WDR3: variants seen among roughly 807,000 people sequenced by gnomAD.
The protein encoded by WDR3 is WD repeat-containing protein 3.
Under a neutral mutation model 123.7 loss-of-function variants are expected in WDR3, and 81 were observed. That is an observed-to-expected ratio of 0.65 (90% CI 0.55 to 0.79). The LOEUF is 0.79. WDR3 is among the 30% of genes least tolerant of loss of function. The pLI, the probability that WDR3 is intolerant of heterozygous loss-of-function variation, is 0.00. For missense variants in WDR3, 1,027 were observed against 1,123.2 expected, an observed-to-expected ratio of 0.91 and a Z score of 1.22; for synonymous variants, 390 against 388.8, an observed-to-expected ratio of 1.00 and a Z score of -0.04.
rs1653172888 is a variant in WDR3, at chr1:117,962,080, T to C, written c.*2633T>C. The C allele has an allele frequency of 1.3e-5, 2 of 151,804 alleles. No individual in the cohort carries two copies. Among genetic ancestry groups the C allele is most frequent in the South Asian group, 4.2e-4 (2 of 4,806 alleles). 9.4% of individuals were successfully genotyped at this position (151,804 alleles called of 1,614,324 possible). A position where few individuals can be genotyped will look rare whatever the true frequency, so the allele number is the denominator to read the frequency against. On this transcript the variant is annotated 3_prime_UTR_variant, in exon 27 of 27. Coordinates refer to ENST00000349139, the MANE Select transcript of WDR3 (RefSeq NM_006784.3). ...ACATCATCAATAATTACTCTTATGT[T>C]AAAAGTTGCTGTTTTCCCGTAGCTT... is the stretch of plus-strand genomic sequence containing the variant.
chr1:117,939,553 A>G lies in WDR3; in HGVS notation c.656A>G (p.Asp219Gly). ...GASDSELRVW[D>G]IAYLQEIEDP... Reference sequence around the variant, plus strand: ...TCAGACAGTGAACTGAGGGTATGGGACATAGCTTATCTGCAAGAGGTAATT... The same window carrying G: ...TCAGACAGTGAACTGAGGGTATGGGGCATAGCTTATCTGCAAGAGGTAATT... Residue 219 changes from aspartate (D) to glycine (G), a missense_variant, in exon 6 of 27, where the codon GAC becomes GGC. Coordinates refer to ENST00000349139, the MANE Select transcript of WDR3 (RefSeq NM_006784.3). 1 of 1,613,764 alleles carries G rather than the reference A, an allele frequency of 6.2e-7. No individual in the cohort carries two copies.
In WDR3 at chr1:117,959,675, G is replaced by C. The variant is rs1652764565; in HGVS notation, c.*228G>C. 1 of 369,916 alleles carries C rather than the reference G, an allele frequency of 2.7e-6. No homozygotes were observed. Among genetic ancestry groups the C allele is most frequent in the South Asian group, 8.2e-5 (1 of 12,234 alleles). The allele number at this position is 369,916 out of a possible 1,614,324, so 22.9% of individuals were successfully genotyped here. On this transcript the variant is annotated 3_prime_UTR_variant, in exon 27 of 27. Transcript: ENST00000349139. ...GCATTATTAGTTTAAAAATCTTTCTGTGCTCTCAAAGCTTGAGCCTTGCAG... is the reference window on the plus strand; with the variant it reads ...GCATTATTAGTTTAAAAATCTTTCTCTGCTCTCAAAGCTTGAGCCTTGCAG...
At position 117,944,572 on chromosome 1, in the gene WDR3, A is replaced by C. The variant is rs533860594; in HGVS notation, c.1328+946A>C. ...GCATTTCAAACTTTTATGTGTCCCA[A>C]ACCAAACTTACGTTGTTCATGTCTC... is the stretch of plus-strand genomic sequence containing the variant. On this transcript the variant is annotated intron_variant, in intron 11 of 26. Transcript: ENST00000349139. 1.4e-4 allele frequency among the ~76,000 whole-genome samples: 22 copies of C among 152,318 alleles called. No homozygotes were observed. In the East Asian group the frequency reaches 3.7e-3, roughly 25 times the overall value.
chr1:117,946,801 T>C (rs1054690754), intron 12 of WDR3, among the ~76,000 whole-genome samples: 3 of 151,264 alleles, frequency 2.0e-5, no homozygotes, highest in African/African-American at 7.3e-5. Context: ...ATTAGGTGGG[T>C]GTGGTGGCGG....
chr1:117,949,938 G>T, intron 14 of WDR3, 57 bp from the exon 15 acceptor site: 1 of 1,611,996 alleles, frequency 6.2e-7, no homozygotes, highest in Non-Finnish European at 8.5e-7. Flanking sequence ...AAAGAGTTAG[G>T]ATTTGTCTGA....
chr1:117,942,388 C>A, intron 9 of WDR3, 49 bp from the exon 10 acceptor site: 1 of 1,538,518 alleles, frequency 6.5e-7, no homozygotes, highest in Non-Finnish European at 9.0e-7. Context: ...AAGAGCAAAG[C>A]TGCTTCTAGA....
chr1:117,951,936 T>C (rs925524726), intron 16 of WDR3, 40 bp from the exon 17 acceptor site: 18 of 1,561,738 alleles, frequency 1.2e-5, no homozygotes, highest in Non-Finnish European at 1.2e-5. Context: ...ATATACGGAA[T>C]TCAAAAATCA....
In WDR3 at chr1:117,959,362, T is replaced by C. The variant is rs1417698632; in HGVS notation, c.2747T>C (p.Met916Thr). ...GAATGCGAGGCAAAAAGTGAAGTTA[T>C]GTTTTTTGCTGATGCTACTAGCCAC... Reference protein sequence around the residue: ...KRECEAKSEVMFFADATSHLE... With the variant: ...KRECEAKSEVTFFADATSHLE... Residue 916 changes from methionine to threonine, a missense_variant, in exon 27 of 27, where the codon ATG becomes ACG. Met to Thr is a moderately conservative substitution (Grantham distance 81, BLOSUM62 -1). Coordinates refer to ENST00000349139, the MANE Select transcript of WDR3 (RefSeq NM_006784.3). 6.2e-7 allele frequency: 1 copy of C among 1,613,890 alleles called. No individual in the cohort carries two copies. The highest frequency in any genetic ancestry group is 1.3e-5 in the African/African-American group (1 of 74,914).
chr1:117,935,434 A>G (rs1024757346), intron 3 of WDR3, among the ~76,000 whole-genome samples: 1 of 152,076 alleles, frequency 6.6e-6, no homozygotes, highest in Admixed American at 6.5e-5. Flanking sequence ...TTTAAGAAGT[A>G]TCATATTGAT....
rs896699245 is a variant in WDR3, at chr1:117,961,841, G to C, written c.*2394G>C. On this transcript the variant is annotated 3_prime_UTR_variant, in exon 27 of 27. Coordinates refer to ENST00000349139, the MANE Select transcript of WDR3 (RefSeq NM_006784.3). Reference sequence around the variant, plus strand: ...TAGGCAGGCAGGATAATGCATTCTAGGTGCTTTCCAAGGAGTCAGTGTTGT... The same window carrying C: ...TAGGCAGGCAGGATAATGCATTCTACGTGCTTTCCAAGGAGTCAGTGTTGT... 7.9e-5 allele frequency: 12 copies of C among 152,496 alleles called. No individual in the cohort carries two copies. The highest frequency in any genetic ancestry group is 2.7e-4 in the African/African-American group (11 of 41,396). 9.4% of individuals were successfully genotyped at this position (152,496 alleles called of 1,614,324 possible).
At chr1:117,955,150 C>G (rs1160279619) in intron 23 of WDR3, 165 bp from the exon 24 acceptor site, 1 of 522,596 alleles carries the variant, frequency 1.9e-6, no homozygotes, top group Non-Finnish European at 3.3e-6. Context: ...GTTCAGTTGT[C>G]AACCCAGATC....
intron 20 of WDR3, 59 bp from the exon 21 acceptor site, chr1:117,953,417 A>T: frequency 6.6e-7 from 1 of 1,526,478 alleles, no homozygotes; most frequent in Non-Finnish European, 9.1e-7. Flanking sequence ...AGATTAATTT[A>T]TCAGCTCTTT....
rs1366216365 is a variant in WDR3, at chr1:117,946,115, C to T, written c.1358C>T (p.Thr453Ile). 6.2e-7 allele frequency: 1 copy of T among 1,612,906 alleles called. No individual in the cohort carries two copies. Among genetic ancestry groups the T allele is most frequent in the African/African-American group, 1.3e-5 (1 of 74,980 alleles). Residue 453 changes from threonine (T) to isoleucine (I), a missense_variant, in exon 12 of 27, where the codon ACC becomes ATC. Physicochemically the swap from Thr to Ile is moderately conservative, Grantham distance 89. Coordinates refer to ENST00000349139, the MANE Select transcript of WDR3 (RefSeq NM_006784.3). ...RSTLQCIRTM[T>I]CEYALCSFFV... ...ACACTGCAGTGTATTCGCACAATGACCTGTGAATATGCACTTTGCTCATTC... is the reference window on the plus strand; with the variant it reads ...ACACTGCAGTGTATTCGCACAATGATCTGTGAATATGCACTTTGCTCATTC...
At position 117,963,869 on chromosome 1, in the gene WDR3, A is replaced by C; in HGVS notation, c.*4422A>C. 6.2e-7 allele frequency: 1 copy of C among 1,613,980 alleles called. No individual in the cohort carries two copies. The highest frequency in any genetic ancestry group is 8.5e-7 in the Non-Finnish European group (1 of 1,179,874). ...GGAATAAATTGTAGAAGTTCTCTGG[A>C]CCATTGGATTTTCTTTTCCCTGGGG... On this transcript the variant is annotated 3_prime_UTR_variant, in exon 27 of 27. Coordinates refer to ENST00000349139, the MANE Select transcript of WDR3 (RefSeq NM_006784.3).
rs200638310 is a variant in WDR3 at position 117,936,731 on chromosome 1, G to T, written c.382-38G>T. 4 of 1,513,658 alleles carry T rather than the reference G, an allele frequency of 2.6e-6. No homozygotes were observed. In the East Asian group the frequency reaches 6.9e-5, roughly 26 times the overall value. 93.8% of individuals were successfully genotyped at this position (1,513,658 alleles called of 1,614,324 possible). ...GTCAAGTTGGGCCATATATGGTAAA[G>T]AAAATTATTTTTCATCTGTATTATT... On this transcript the variant is annotated intron_variant, in intron 3 of 26. Transcript: ENST00000349139.
chr1:117,946,841 T>C (rs960751085), intron 12 of WDR3, among the ~76,000 whole-genome samples: 7 of 147,784 alleles, frequency 4.7e-5, no homozygotes, highest in Non-Finnish European at 1.0e-4. Context: ...CTCGGGAGGC[T>C]GAGGCAGGAG....
Position 117,952,049 on chromosome 1 carries a change from A to G in WDR3, c.1877A>G (p.His626Arg). 1 of 1,613,438 alleles carries G rather than the reference A, an allele frequency of 6.2e-7. No individual in the cohort carries two copies. The highest frequency in any genetic ancestry group is 8.5e-7 in the Non-Finnish European group (1 of 1,179,456). Residue 626 changes from histidine to arginine, a missense_variant, in exon 17 of 27, where the codon CAC (histidine) becomes CGC (arginine). By Grantham distance (29) the His-to-Arg change is conservative (BLOSUM62 0). Transcript: ENST00000349139. ...KIWGLDFGDCHKSLFAHDDSV... is the reference protein window; with the variant it reads ...KIWGLDFGDCRKSLFAHDDSV... Reference sequence around the variant, plus strand: ...TGGGGTTTGGACTTTGGGGACTGCCACAAGTCTCTCTTTGCACATGATGAC... The same window carrying G: ...TGGGGTTTGGACTTTGGGGACTGCCGCAAGTCTCTCTTTGCACATGATGAC...
At chr1:117,943,067 C>T (rs1651234726) in intron 10 of WDR3, among the ~76,000 whole-genome samples, 1 of 152,012 alleles carries the variant, frequency 6.6e-6, no homozygotes, top group Non-Finnish European at 1.5e-5. Context: ...ATTCTCCTGC[C>T]TCACCCTCCG....
In WDR3 at chr1:117,940,927, A is replaced by G. The variant is rs760292730; in HGVS notation, c.776A>G (p.Glu259Gly). 1 of 1,612,176 alleles carries G rather than the reference A, an allele frequency of 6.2e-7. No homozygotes were observed. Among genetic ancestry groups the G allele is most frequent in the Non-Finnish European group, 8.5e-7 (1 of 1,179,508 alleles). Residue 259 changes from glutamate to glycine, a missense_variant, in exon 7 of 27, where the codon GAA (glutamate) becomes GGA (glycine). Coordinates refer to ENST00000349139, the MANE Select transcript of WDR3 (RefSeq NM_006784.3). ...GAGGATGGTGCCTTTGAGACGGATG[A>G]AGCCCCTGAGGATGTAATTCATTTT... is the stretch of plus-strand genomic sequence containing the variant. ...EAEDGAFETD[E>G]APEDRILSCR...
Sources: gnomAD v4.1 joint callset for allele counts (sites outside exome capture counted in the v4.1 genomes callset) on GRCh38, gnomAD v4.1.1 for gene constraint, MANE v1.5 for transcripts, NCBI Gene and HGNC (gene_info 2026-07-23, HGNC 2026-07-21) for gene names.